The following CETP variants were observed in gnomAD, a reference collection of about 807,000 sequenced individuals.
The protein encoded by CETP is cholesteryl ester transfer protein, also known as BPI fold containing family F.
A neutral mutation model predicts 66.5 loss-of-function variants in CETP; 56 were observed. The ratio of observed to expected loss-of-function variants is 0.84; its 90% CI spans 0.68 to 1.05. The LOEUF (loss-of-function observed/expected upper bound fraction) is 1.05. Ranked by LOEUF, CETP falls within the 50% of genes least tolerant of loss-of-function variation. The probability of loss-of-function intolerance (pLI) is 0.00; values close to 1 mark genes in which losing one functional copy is unlikely to be tolerated. For missense variants in CETP, 612 were observed against 609.6 expected (o/e 1.00, Z -0.04); for synonymous variants, 251 against 245.7 (o/e 1.02, Z -0.20).
At chr16:56,964,566 C>A (rs558747748) in intron 2 of CETP, among the ~76,000 whole-genome samples, 1 of 152,270 alleles carries the variant, frequency 6.6e-6, no homozygotes, top group African/African-American at 2.4e-5. Context: ...GTGGGGCAGA[C>A]ATTGTTCAGG....
chr16:56,966,984 A>G (rs2056071877), intron 2 of CETP, among the ~76,000 whole-genome samples: 1 of 152,082 alleles, frequency 6.6e-6, no homozygotes, highest in South Asian at 2.1e-4. Context: ...GAGGTCAAGA[A>G]TTTAGTCATC....
In CETP at chr16:56,969,637, T is replaced by C; in HGVS notation, c.395T>C (p.Phe132Ser). 1 of 1,614,148 alleles carries C rather than the reference T, an allele frequency of 6.2e-7. No individual in the cohort carries two copies. The highest frequency in any genetic ancestry group is 8.5e-7 in the Non-Finnish European group (1 of 1,180,028). The change falls in exon 4 of 16, where the codon TTC (phenylalanine) becomes TCC (serine). Residue 132 changes from phenylalanine to serine, a missense_variant. By Grantham distance (155) the Phe-to-Ser change is radical. Transcript: ENST00000200676. The stretch of plus-strand genomic sequence containing the variant: ...CTGGGTATTGATCAGTCCATTGACT[T>C]CGAGATCGACTCTGCCATTGACCTC... ...WWLGIDQSID[F>S]EIDSAIDLQI...
intron 2 of CETP, among the ~76,000 whole-genome samples, chr16:56,968,967 A>G (rs1484833695): frequency 2.0e-5 from 3 of 151,972 alleles, no homozygotes; most frequent in African/African-American, 7.3e-5. Flanking sequence ...TTTTAAAGAT[A>G]GGCATTTCTA....
chr16:56,966,174 C>T (rs1277537654), intron 2 of CETP, among the ~76,000 whole-genome samples: 1 of 152,212 alleles, frequency 6.6e-6, no homozygotes, highest in Non-Finnish European at 1.5e-5. Flanking sequence ...GAGCTAAGAT[C>T]AAGCTGTCAG....
At chr16:56,975,244 A>C in intron 10 of CETP, 93 bp downstream of exon 10, 4 of 1,051,556 alleles carry the variant, frequency 3.8e-6, no homozygotes, top group Non-Finnish European at 6.0e-6. Flanking sequence ...AACACCACCA[A>C]TGGCAACAAT....
rs1233660273 is a variant in CETP at position 56,983,336 on chromosome 16, A to G, written c.1332A>G (p.Val444=). ...GIPEVMSRLE[V]VFTALMNSKG... ...TGTCCCCTGCCCCAGGGCTCGAGGTAGTGTTTACAGCCCTCATGAACAGCA... is the reference window on the plus strand; with the variant it reads ...TGTCCCCTGCCCCAGGGCTCGAGGTGGTGTTTACAGCCCTCATGAACAGCA... The change falls in exon 15 of 16, where the codon GTA becomes GTG. Residue 444 remains valine, a synonymous_variant. Coordinates refer to ENST00000200676, the MANE Select transcript of CETP (RefSeq NM_000078.3). 6.2e-7 allele frequency: 1 copy of G among 1,614,172 alleles called. No homozygotes were observed. The highest frequency in any genetic ancestry group is 1.1e-5 in the South Asian group (1 of 91,086).
At chr16:56,970,943 C>T in intron 5 of CETP, 90 bp from the exon 6 acceptor site, 2 of 1,220,544 alleles carry the variant, frequency 1.6e-6, no homozygotes, top group Non-Finnish European at 1.2e-6. Context: ...TCAGGGCCAA[C>T]AGAGCCATGA....
chr16:56,970,124 A>C, intron 5 of CETP, 123 bp downstream of exon 5: 1 of 840,748 alleles, frequency 1.2e-6, no homozygotes, highest in Non-Finnish European at 2.0e-6. Context: ...TGAGGGCAGC[A>C]ATACCTTCAG....
At chr16:56,963,882 T>C (rs906081276) in intron 2 of CETP, among the ~76,000 whole-genome samples, 1 of 152,196 alleles carries the variant, frequency 6.6e-6, no homozygotes, top group African/African-American at 2.4e-5. Flanking sequence ...TTGGCCAGAC[T>C]GGTCTCCAAC....
intron 8 of CETP, 43 bp from the exon 9 acceptor site, chr16:56,973,288 G>C: frequency 6.2e-7 from 1 of 1,608,842 alleles, no homozygotes; most frequent in Non-Finnish European, 8.5e-7. Flanking sequence ...CCTGAGCCCA[G>C]TAGGGACACA....
At chr16:56,982,109 C>T (rs191023682) in intron 13 of CETP, 56 bp from the exon 14 acceptor site, 11 of 1,523,810 alleles carry the variant, frequency 7.2e-6, no homozygotes, top group South Asian at 1.1e-5. Context: ...CAGCATCTGC[C>T]TTGTGGGTCA....
At chr16:56,969,712 G>A in intron 4 of CETP, 31 bp downstream of exon 4, 1 of 1,611,420 alleles carries the variant, frequency 6.2e-7, no homozygotes, top group Non-Finnish European at 8.5e-7. Context: ...GGGGAAGTGG[G>A]AGCTGGACTC....
Position 56,969,611 on chromosome 16 carries a change from G to T in CETP, c.369G>T (p.Trp123Cys). The change falls in exon 4 of 16, where the codon TGG becomes TGT. Residue 123 changes from tryptophan (W) to cysteine (C), a missense_variant and splice_region_variant. By Grantham distance (215) the Trp-to-Cys change is radical. Transcript: ENST00000200676. The stretch of plus-strand genomic sequence containing the variant: ...GTCCTGGGTCCTTGGCTCTTTCCAG[G>T]CTGGGTATTGATCAGTCCATTGACT... ...TLKYGYTTAW[W>C]LGIDQSIDFE... 1.2e-6 allele frequency: 2 copies of T among 1,614,212 alleles called. No homozygotes were observed. Among genetic ancestry groups the T allele is most frequent in the Middle Eastern group, 1.6e-4 (1 of 6,062 alleles).
rs551579657 is a variant in CETP, at chr16:56,969,410, C to T, written c.258C>T (p.Ile86=). The part of the protein sequence containing the change: ...LHNIQISHLS[I]ASSQVELVEA... ...GCATCCAGATCAGCCACTTGTCCATCGCCAGCAGCCAGGTGGAGCTGGTGG... is the reference window on the plus strand; with the variant it reads ...GCATCCAGATCAGCCACTTGTCCATTGCCAGCAGCCAGGTGGAGCTGGTGG... The change falls in exon 3 of 16, where the codon ATC becomes ATT. Residue 86 remains isoleucine, a synonymous_variant. Transcript: ENST00000200676. The T allele has an allele frequency of 6.8e-6, 11 of 1,614,112 alleles. No individual in the cohort carries two copies. The highest frequency in any genetic ancestry group is 6.7e-5 in the African/African-American group (5 of 75,020).
intron 10 of CETP, among the ~76,000 whole-genome samples, chr16:56,977,210 C>T (rs943382122): frequency 2.0e-5 from 3 of 152,162 alleles, no homozygotes; most frequent in Admixed American, 1.3e-4. Flanking sequence ...CGCACCCCGC[C>T]GGCCCTTTCT....
chr16:56,969,220 CA>C (rs1365746474), intron 2 of CETP, among the ~76,000 whole-genome samples, 165 bp from the exon 3 acceptor site: 1 of 152,044 alleles, frequency 6.6e-6, no homozygotes, highest in African/African-American at 2.4e-5. Context: ...GTGTGGTACC[CA>C]GGGTTTGACA....
At chr16:56,963,912 G>T (rs747715156) in intron 2 of CETP, among the ~76,000 whole-genome samples, 5 of 151,532 alleles carry the variant, frequency 3.3e-5, no homozygotes, top group Non-Finnish European at 7.4e-5. Flanking sequence ...CAAGTGATCC[G>T]CCCACCTCAG....
intron 2 of CETP, among the ~76,000 whole-genome samples, chr16:56,967,701 A>T (rs561992872): frequency 7.9e-5 from 12 of 152,004 alleles, no homozygotes; most frequent in Non-Finnish European, 1.6e-4. Flanking sequence ...TTTCTGTAGA[A>T]CTGAAAGAGG....
intron 1 of CETP, among the ~76,000 whole-genome samples, 154 bp from the exon 2 acceptor site, chr16:56,962,855 TA>T (rs2056034307): frequency 6.6e-6 from 1 of 152,096 alleles, no homozygotes; most frequent in Non-Finnish European, 1.5e-5. Flanking sequence ...CCATCAACCT[TA>T]AACCCAGAGG....
Sources: gnomAD v4.1 joint callset for allele counts (sites outside exome capture counted in the v4.1 genomes callset) on GRCh38, gnomAD v4.1.1 for gene constraint, MANE v1.5 for transcripts, NCBI Gene and HGNC (gene_info 2026-07-23, HGNC 2026-07-21) for gene names.